Variants in FBXO28 observed in about 807,000 individuals in gnomAD.
FBXO28 encodes the protein F-box only protein 28.
A neutral mutation model predicts 38.1 loss-of-function variants in FBXO28; 8 were observed. The observed-to-expected ratio is 0.21, with a 90% CI of 0.12 to 0.38. The LOEUF (loss-of-function observed/expected upper bound fraction) is 0.38, where lower values mean the gene tolerates loss of function less well. Among genes scored for constraint, FBXO28 ranks in the 10% least tolerant of loss-of-function variants. The pLI is 1.00. For synonymous variants in FBXO28, 168 were observed against 173.8 expected (o/e 0.97, Z 0.26); for missense variants, 345 against 460.6 (o/e 0.75, Z 2.30).
intron 3 of FBXO28, among the ~76,000 whole-genome samples, chr1:224,145,328 G>T (rs916238310): frequency 2.2e-4 from 32 of 144,758 alleles, no homozygotes; most frequent in African/African-American, 7.9e-4. Flanking sequence ...AGTGTTTTAG[G>T]TCTTTATTTA....
chr1:224,154,698 C>T (rs1197274943), intron 4 of FBXO28, among the ~76,000 whole-genome samples: 2 of 152,062 alleles, frequency 1.3e-5, no homozygotes, highest in Non-Finnish European at 2.9e-5. Context: ...GTTCCAGCTA[C>T]TCAGGAGGCT....
intron 3 of FBXO28, among the ~76,000 whole-genome samples, chr1:224,150,072 C>G (rs1657604631): frequency 8.5e-6 from 1 of 117,488 alleles, no homozygotes; most frequent in South Asian, 3.4e-4. Context: ...GCCTGTAATC[C>G]CAGCACTTTG....
At chr1:224,133,407 T>G (rs1179741190) in intron 2 of FBXO28, among the ~76,000 whole-genome samples, 1 of 152,252 alleles carries the variant, frequency 6.6e-6, no homozygotes, top group South Asian at 2.1e-4. Context: ...GAGTTAAATT[T>G]TATCATCAAA....
chr1:224,157,188 AG>A (rs1286019755), intron 4 of FBXO28, among the ~76,000 whole-genome samples, 163 bp from the exon 5 acceptor site: 1 of 152,200 alleles, frequency 6.6e-6, no homozygotes, highest in East Asian at 1.9e-4. Context: ...AGTTAAAATA[AG>A]GTGTTAAATT....
intron 3 of FBXO28, among the ~76,000 whole-genome samples, chr1:224,138,010 T>C (rs532646751): frequency 1.3e-5 from 2 of 151,774 alleles, no homozygotes; most frequent in East Asian, 3.9e-4. Flanking sequence ...GGCAAATCAC[T>C]TGAGATCAGG....
At chr1:224,143,471 T>TGA (rs1421134909) in intron 3 of FBXO28, among the ~76,000 whole-genome samples, 1 of 152,112 alleles carries the variant, frequency 6.6e-6, no homozygotes, top group Admixed American at 6.6e-5. Context: ...CCTGGTGCCC[T>TGA]GAGCTGCTAG....
At chr1:224,151,356 C>T (rs1306441661) in intron 3 of FBXO28, among the ~76,000 whole-genome samples, 22 of 152,186 alleles carry the variant, frequency 1.4e-4, no homozygotes, top group Non-Finnish European at 8.8e-5. Context: ...CAAACCTGGC[C>T]TCTCCTATGA....
intron 1 of FBXO28, 91 bp from the exon 2 acceptor site, chr1:224,130,381 G>A (rs774389033): frequency 7.6e-6 from 6 of 791,128 alleles, no homozygotes; most frequent in Admixed American, 2.1e-5. Context: ...GAATAATAGT[G>A]GGATACAGAG....
chr1:224,140,433 G>T (rs2102624773), intron 3 of FBXO28, among the ~76,000 whole-genome samples: 1 of 152,176 alleles, frequency 6.6e-6, no homozygotes, highest in East Asian at 1.9e-4. Context: ...TCACATTTTT[G>T]AAGAACGTAG....
chr1:224,126,250 A>G (rs1656901786), intron 1 of FBXO28, among the ~76,000 whole-genome samples: 1 of 152,196 alleles, frequency 6.6e-6, no homozygotes. Flanking sequence ...GAGTTTATAG[A>G]TTATTGAAAG....
chr1:224,124,332 A>ATTT (rs1285099311), intron 1 of FBXO28, among the ~76,000 whole-genome samples: 1 of 152,172 alleles, frequency 6.6e-6, no homozygotes, highest in African/African-American at 2.4e-5. Context: ...TTCTTCAGTG[A>ATTT]TTTATTCTAT....
rs1273022193 is a variant in FBXO28 at position 224,159,295 on chromosome 1, C to G, written c.*1549C>G. On this transcript the variant is annotated 3_prime_UTR_variant, in exon 5 of 5. Coordinates refer to ENST00000366862, the MANE Select transcript of FBXO28 (RefSeq NM_015176.4). Reference sequence around the variant, plus strand: ...GTTGAATAAAAGCACAAGGTTATCACCTTTTTTATCCGTCCACCGTGACAT... The same window carrying G: ...GTTGAATAAAAGCACAAGGTTATCAGCTTTTTTATCCGTCCACCGTGACAT... The G allele has an allele frequency of 3.9e-5, 6 of 152,466 alleles. No homozygotes were observed. The highest frequency in any genetic ancestry group is 1.4e-4 in the African/African-American group (6 of 41,398). The allele number at this position is 152,466 out of a possible 1,614,324, so 9.4% of individuals were successfully genotyped here. A position where few individuals can be genotyped will look rare whatever the true frequency, so the allele number is the denominator to read the frequency against.
At chr1:224,143,260 C>T (rs897854257) in intron 3 of FBXO28, among the ~76,000 whole-genome samples, 1 of 151,808 alleles carries the variant, frequency 6.6e-6, no homozygotes, top group Non-Finnish European at 1.5e-5. Flanking sequence ...AAAATCAGTT[C>T]CCGGCCAGGG....
intron 2 of FBXO28, among the ~76,000 whole-genome samples, chr1:224,133,485 T>G (rs1455559653): frequency 6.6e-6 from 1 of 152,180 alleles, no homozygotes; most frequent in Admixed American, 6.5e-5. Flanking sequence ...TTGGTTCTAA[T>G]AGCCACTAGA....
chr1:224,114,669 CG>C (rs1351291111), intron 1 of FBXO28, among the ~76,000 whole-genome samples: 1 of 152,182 alleles, frequency 6.6e-6, no homozygotes, highest in Non-Finnish European at 1.5e-5. Context: ...GGGCCCTCTA[CG>C]GGAGGGGTAG....
intron 1 of FBXO28, among the ~76,000 whole-genome samples, chr1:224,126,501 A>G (rs1042546110): frequency 1.3e-5 from 2 of 152,208 alleles, no homozygotes; most frequent in Admixed American, 1.3e-4. Context: ...TAAGTCCACT[A>G]TCTACTCATC....
At chr1:224,133,041 G>C (rs1657092174) in intron 2 of FBXO28, among the ~76,000 whole-genome samples, 1 of 152,190 alleles carries the variant, frequency 6.6e-6, no homozygotes, top group Non-Finnish European at 1.5e-5. Context: ...CTGCATGATG[G>C]AATATTATTG....
chr1:224,114,277 G>A lies in FBXO28; in HGVS notation c.148G>A (p.Ala50Thr). Residue 50 changes from alanine to threonine, a missense_variant, in exon 1 of 5, where the codon GCC becomes ACC. Physicochemically the swap from Ala to Thr is moderately conservative, Grantham distance 58. Transcript: ENST00000366862. Reference sequence around the variant, plus strand: ...GCAGCCGGGGTCCCAGGCGCTCCCAGCCCCCGCGCTGGCTCCGGACCAGCT... The same window carrying A: ...GCAGCCGGGGTCCCAGGCGCTCCCAACCCCCGCGCTGGCTCCGGACCAGCT... ...HPQPGSQALP[A>T]PALAPDQLPQ... 1 of 1,557,014 alleles carries A rather than the reference G, an allele frequency of 6.4e-7. No individual in the cohort carries two copies.
chr1:224,145,554 C>A (rs549606865), intron 3 of FBXO28, among the ~76,000 whole-genome samples: 5 of 152,224 alleles, frequency 3.3e-5, no homozygotes, highest in African/African-American at 1.2e-4. Flanking sequence ...TACAGGATGA[C>A]CCTCATATAT....
Sources: gnomAD v4.1 joint callset for allele counts (sites outside exome capture counted in the v4.1 genomes callset) on GRCh38, gnomAD v4.1.1 for gene constraint, MANE v1.5 for transcripts, NCBI Gene and HGNC (gene_info 2026-07-23, HGNC 2026-07-21) for gene names.